The following C12orf76 variants were observed in gnomAD, a reference collection of about 807,000 sequenced individuals.
C12orf76 encodes the protein chromosome 12 open reading frame 76, also known as uncharacterized protein C12orf76.
A neutral mutation model predicts 6.8 loss-of-function variants in C12orf76; 6 were observed. The ratio of observed to expected loss-of-function variants is 0.88; its 90% CI spans 0.48 to 1.73. C12orf76 has a LOEUF of 1.73. C12orf76 is among the 40% of genes most tolerant of loss of function. C12orf76 has a pLI of 0.01. For synonymous variants in C12orf76, 56 were observed against 43.7 expected, an observed-to-expected ratio of 1.28 and a Z score of -1.11; for missense variants, 99 against 98.2, an observed-to-expected ratio of 1.01 and a Z score of -0.03.
At position 110,041,534 on chromosome 12, in the gene C12orf76, C is replaced by T. The variant is rs1194315654; in HGVS notation, c.*840G>A. 1 of 152,308 alleles carries T rather than the reference C, an allele frequency of 6.6e-6. No homozygotes were observed. The highest frequency in any genetic ancestry group is 1.5e-5 in the Non-Finnish European group (1 of 68,046). 9.4% of individuals were successfully genotyped at this position (152,308 alleles called of 1,614,324 possible). On this transcript the variant is annotated 3_prime_UTR_variant, in exon 2 of 2. Coordinates refer to ENST00000615315, the MANE Select transcript of C12orf76 (RefSeq NM_001389625.1). ...TTGTGTAAACACACACTGGCCCGCACAGTGGACATGCACTTCTGTTGGCTG... is the reference window on the plus strand; with the variant it reads ...TTGTGTAAACACACACTGGCCCGCATAGTGGACATGCACTTCTGTTGGCTG...
upstream of C12orf76, among the ~76,000 whole-genome samples, chr12:110,072,579 A>C: frequency 6.6e-6 from 1 of 151,868 alleles, no homozygotes; most frequent in Non-Finnish European, 1.5e-5. Flanking sequence ...GAAAACCATT[A>C]AATTGTACCC....
At chr12:110,053,593 A>G (rs947844607), upstream of C12orf76, among the ~76,000 whole-genome samples, 2 of 152,236 alleles carry the variant, frequency 1.3e-5, no homozygotes, top group African/African-American at 4.8e-5. Context: ...ATATTTGTCA[A>G]TAGCAAGTAC....
At chr12:110,068,231 A>AG (rs1892899386), upstream of C12orf76, among the ~76,000 whole-genome samples, 2 of 147,418 alleles carry the variant, frequency 1.4e-5, no homozygotes, top group South Asian at 4.3e-4. Context: ...GAGAAGGAGA[A>AG]GAGAAGAAGA....
At position 110,048,371 on chromosome 12, in the gene C12orf76, T is replaced by C; in HGVS notation, c.125A>G (p.Gln42Arg). 1 of 1,512,840 alleles carries C rather than the reference T, an allele frequency of 6.6e-7. No individual in the cohort carries two copies. The allele number at this position is 1,512,840 out of a possible 1,614,324, so 93.7% of individuals were successfully genotyped here. The change falls in exon 1 of 2, where the codon CAG (glutamine) becomes CGG (arginine). Residue 42 changes from glutamine to arginine, a missense_variant. Physicochemically the swap from Gln to Arg is conservative, Grantham distance 43. Transcript: ENST00000615315. ...GCCCGAGGGCCGCTCACCCAGGTTC[T>C]GCCCTCGCAGCACCGCGTACGGCCG... ...RSRPYAVLRGQNLVLMGTIFS... is the reference protein window; with the variant it reads ...RSRPYAVLRGRNLVLMGTIFS...
intron 1 of C12orf76, 98 bp downstream of exon 1, chr12:110,048,265 C>T: frequency 7.3e-7 from 1 of 1,369,438 alleles, no homozygotes; most frequent in Non-Finnish European, 9.5e-7. Context: ...CATCTCCCCA[C>T]TCTATCCCCT....
intron 4 of C12orf76, chr12:110,056,994 A>G: frequency 1.7e-6 from 1 of 589,102 alleles, no homozygotes; most frequent in Non-Finnish European, 3.0e-6. Flanking sequence ...ATCAAGGGGC[A>G]CTCACAGGCA....
At chr12:110,048,660 G>A, upstream of C12orf76, 1 of 1,272,248 alleles carries the variant, frequency 7.9e-7, no homozygotes, top group Non-Finnish European at 9.9e-7. Flanking sequence ...GATTTGTTCC[G>A]GATTAACGTT....
intron 2 of C12orf76, among the ~76,000 whole-genome samples, chr12:110,061,339 A>T (rs1457971644): frequency 1.3e-5 from 2 of 151,888 alleles, no homozygotes; most frequent in African/African-American, 4.8e-5. Flanking sequence ...CCCCTCACCC[A>T]TTCAGTTGCC....
upstream of C12orf76, chr12:110,050,996 C>T (rs1228878891): frequency 7.8e-6 from 6 of 766,996 alleles, no homozygotes; most frequent in East Asian, 1.5e-4. Flanking sequence ...CAGGTGTTCA[C>T]CTGCAAAGGG....
intron 1 of C12orf76, among the ~76,000 whole-genome samples, chr12:110,043,285 GAGACCATGA>G (rs1892363592): frequency 6.6e-6 from 1 of 151,916 alleles, no homozygotes; most frequent in East Asian, 1.9e-4. Context: ...CAAGGCCTTG[GAGACCATGA>G]AGAAAACACG....
upstream of C12orf76, among the ~76,000 whole-genome samples, chr12:110,072,490 T>G (rs1259707817): frequency 6.6e-6 from 1 of 151,782 alleles, no homozygotes; most frequent in Non-Finnish European, 1.5e-5. Context: ...AGTGTGGGTT[T>G]TTTTTGTTTT....
chr12:110,048,442 C>T lies in C12orf76; in HGVS notation c.54G>A (p.Val18=). The T allele has an allele frequency of 1.3e-6, 2 of 1,506,844 alleles. No individual in the cohort carries two copies. The highest frequency in any genetic ancestry group is 8.8e-7 in the Non-Finnish European group (1 of 1,132,698). The allele number at this position is 1,506,844 out of a possible 1,614,324, so 93.3% of individuals were successfully genotyped here. A position where few individuals can be genotyped will look rare whatever the true frequency, so the allele number is the denominator to read the frequency against. ...WLYLGLCSLL[V]GEAEAPSPVD... ...CGGGGCTCGGGGCCTCTGCCTCCCCCACCAGGAGGCTGCAGAGGCCAAGGT... is the reference window on the plus strand; with the variant it reads ...CGGGGCTCGGGGCCTCTGCCTCCCCTACCAGGAGGCTGCAGAGGCCAAGGT... The change falls in exon 1 of 2, where the codon GTG becomes GTA. Residue 18 remains valine, a synonymous_variant. Transcript: ENST00000615315.
At chr12:110,056,509 G>A (rs1238206330) in intron 4 of C12orf76, among the ~76,000 whole-genome samples, 1 of 152,074 alleles carries the variant, frequency 6.6e-6, no homozygotes, top group East Asian at 1.9e-4. Context: ...TACTCATTAG[G>A]TGGAGGTGGG....
intron 2 of C12orf76, among the ~76,000 whole-genome samples, chr12:110,062,194 G>T (rs1241593118): frequency 6.6e-6 from 1 of 152,158 alleles, no homozygotes; most frequent in Admixed American, 6.5e-5. Context: ...AACCCAGGAA[G>T]CAGAGGTTGC....
upstream of C12orf76, chr12:110,049,737 G>C (rs1314810038): frequency 6.6e-6 from 1 of 152,188 alleles, no homozygotes; most frequent in Non-Finnish European, 1.5e-5. Context: ...AAGTCACAGG[G>C]GATGCGATGG....
exon 1 of C12orf76, chr12:110,073,477 T>G (rs1347505108): frequency 1.9e-6 from 1 of 523,398 alleles, no homozygotes; most frequent in Non-Finnish European, 3.8e-6. Flanking sequence ...TAATTGATGC[T>G]TTGGATCCGG....
chr12:110,066,013 C>T, exon 2 of C12orf76: 2 of 1,600,424 alleles, frequency 1.2e-6, no homozygotes, highest in Non-Finnish European at 1.7e-6. Flanking sequence ...TTCTGACCTC[C>T]CCCTCAAGCT....
At chr12:110,065,582 T>C (rs1892845569) in intron 2 of C12orf76, among the ~76,000 whole-genome samples, 1 of 152,102 alleles carries the variant, frequency 6.6e-6, no homozygotes, top group Non-Finnish European at 1.5e-5. Flanking sequence ...ATCCCAGCTT[T>C]GTCCACATCT....
At chr12:110,070,086 C>G (rs1892943429), upstream of C12orf76, among the ~76,000 whole-genome samples, 1 of 150,708 alleles carries the variant, frequency 6.6e-6, no homozygotes, top group Non-Finnish European at 1.5e-5. Flanking sequence ...CTGTCTCTAC[C>G]AAAAATACAA....
Sources: gnomAD v4.1 joint callset for allele counts (sites outside exome capture counted in the v4.1 genomes callset) on GRCh38, gnomAD v4.1.1 for gene constraint, MANE v1.5 for transcripts, NCBI Gene and HGNC (gene_info 2026-07-23, HGNC 2026-07-21) for gene names.